ATP2C2: variants seen among roughly 807,000 people sequenced by gnomAD.
ATP2C2 encodes the protein ATPase secretory pathway Ca2+ transporting 2.
ATP2C2 carries 171 observed loss-of-function variants against 110.8 expected under a neutral mutation model. The ratio of observed to expected loss-of-function variants is 1.54; its 90% CI spans 1.36 to 1.75. ATP2C2 has a LOEUF of 1.75. ATP2C2 is among the 40% of genes most tolerant of loss of function. ATP2C2 has a pLI of 0.00. For missense variants in ATP2C2, 1,963 were observed against 1,235.0 expected (o/e 1.59, Z -8.84); for synonymous variants, 804 against 508.4 (o/e 1.58, Z -7.82).
chr16:84,380,947 G>A lies in ATP2C2; in HGVS notation c.99+12233G>A, dbSNP rs574105870. Among the ~76,000 whole-genome samples the A allele has an allele frequency of 3.5e-4, 54 of 152,282 alleles. 1 individual carries two copies. The South Asian group carries it at 9.3e-3, about 26-fold the overall frequency. ...TGTAATCCCAGCACTTTGAGAGGCC[G>A]AGGCGGGCGGATCATGAGGTCAGGA... On this transcript the variant is annotated intron_variant, in intron 1 of 26. Transcript: ENST00000262429.
chr16:84,427,603 G>A (rs922292382), intron 11 of ATP2C2, among the ~76,000 whole-genome samples: 11 of 152,236 alleles, frequency 7.2e-5, no homozygotes, highest in African/African-American at 2.6e-4. Context: ...TAAAATCCCA[G>A]CTACTCGGGA....
chr16:84,448,830 T>G (rs1910000040), intron 17 of ATP2C2, 141 bp downstream of exon 17: 3 of 1,136,982 alleles, frequency 2.6e-6, no homozygotes, highest in Non-Finnish European at 3.7e-6. Context: ...AATGTGTGCT[T>G]GGAACCTGAT....
chr16:84,412,968 G>C (rs1477168125), intron 6 of ATP2C2, among the ~76,000 whole-genome samples: 1 of 151,972 alleles, frequency 6.6e-6, no homozygotes, highest in Non-Finnish European at 1.5e-5. Context: ...GCATGGTGGT[G>C]GGTGTCTGTA....
At chr16:84,438,331 C>CA (rs1908927929) in intron 11 of ATP2C2, among the ~76,000 whole-genome samples, 1 of 152,192 alleles carries the variant, frequency 6.6e-6, no homozygotes, top group Admixed American at 6.5e-5. Flanking sequence ...CACCAGGCAC[C>CA]AGGCATCATA....
At chr16:84,462,414 G>A in intron 26 of ATP2C2, 3 of 346,448 alleles carry the variant, frequency 8.7e-6, no homozygotes, top group Non-Finnish European at 1.6e-5. Context: ...GAGGCTCAGA[G>A]CACGTGCAGG....
chr16:84,372,704 G>A (rs915839212), intron 1 of ATP2C2, among the ~76,000 whole-genome samples: 23 of 152,150 alleles, frequency 1.5e-4, no homozygotes, highest in East Asian at 3.9e-4. Context: ...GATTACAGGC[G>A]TGAGCCACCG....
intron 11 of ATP2C2, chr16:84,426,046 A>T: frequency 2.5e-6 from 1 of 393,772 alleles, no homozygotes; most frequent in Non-Finnish European, 4.5e-6. Context: ...CTGTTCTTGC[A>T]TTGCTAAAAA....
intron 1 of ATP2C2, among the ~76,000 whole-genome samples, chr16:84,376,261 G>A (rs914256140): frequency 4.6e-5 from 7 of 152,250 alleles, no homozygotes; most frequent in African/African-American, 1.7e-4. Context: ...AGGCAGGTGA[G>A]GCGATGAGGT....
chr16:84,384,015 C>T (rs1210583334), intron 1 of ATP2C2, among the ~76,000 whole-genome samples: 2 of 151,960 alleles, frequency 1.3e-5, no homozygotes, highest in Non-Finnish European at 2.9e-5. Context: ...TCTCAAACTC[C>T]TGAGCTCAAG....
intron 16 of ATP2C2, 33 bp from the exon 17 acceptor site, chr16:84,448,500 G>A: frequency 6.3e-7 from 1 of 1,589,446 alleles, no homozygotes; most frequent in Non-Finnish European, 8.6e-7. Context: ...GGCTTCCAGT[G>A]ATAGTGGATT....
intron 6 of ATP2C2, among the ~76,000 whole-genome samples, chr16:84,412,360 GTGCA>G (rs1461636017): frequency 1.4e-5 from 2 of 139,422 alleles, no homozygotes; most frequent in African/African-American, 2.7e-5. Flanking sequence ...GCGTGCGTGT[GTGCA>G]TGTGTGTGTG....
intron 23 of ATP2C2, 134 bp downstream of exon 23, chr16:84,459,520 C>G (rs528413183): frequency 6.4e-7 from 1 of 1,558,948 alleles, no homozygotes. Context: ...TCCCAGAAAA[C>G]TGAAGTGTGT....
chr16:84,448,665 A>G lies in ATP2C2; in HGVS notation c.1636A>G (p.Arg546Gly). ...GTCATTCTGCCTGCAGGAAGAGAAG[A>G]GGATGGGGTCGCTCGGTTTGCGGGG... ...QRSFCLQEEK[R>G]MGSLGLRVLA... Residue 546 changes from arginine to glycine, a missense_variant, in exon 17 of 27, where the codon AGG (arginine) becomes GGG (glycine). Physicochemically the swap from Arg to Gly is moderately radical, Grantham distance 125. Coordinates refer to ENST00000262429, the MANE Select transcript of ATP2C2 (RefSeq NM_014861.4). 1.9e-6 allele frequency: 3 copies of G among 1,613,620 alleles called. No individual in the cohort carries two copies. In the South Asian group the frequency reaches 3.3e-5, roughly 18 times the overall value.
At chr16:84,463,462 G>A in intron 26 of ATP2C2, 152 bp from the exon 27 acceptor site, 1 of 665,460 alleles carries the variant, frequency 1.5e-6, no homozygotes, top group South Asian at 1.8e-5. Context: ...TTGGATTCTG[G>A]GTTAGGAAGA....
chr16:84,430,006 T>G (rs1034797367), intron 11 of ATP2C2, among the ~76,000 whole-genome samples: 5 of 152,172 alleles, frequency 3.3e-5, no homozygotes, highest in African/African-American at 1.2e-4. Flanking sequence ...GGTCTCCTCC[T>G]CTGTCTCTGC....
intron 1 of ATP2C2, among the ~76,000 whole-genome samples, chr16:84,394,575 A>G (rs1348767183): frequency 6.6e-6 from 1 of 152,020 alleles, no homozygotes; most frequent in Non-Finnish European, 1.5e-5. Flanking sequence ...ATTTAAATGT[A>G]TTGTCTCACA....
chr16:84,460,801 G>A lies in ATP2C2; in HGVS notation c.2481G>A (p.Glu827=). ...ISGTLFIFWK[E]MPEDRASTPR... ...GGACCCTCTTTATCTTCTGGAAGGA[G>A]GTGAGCGAGGGTCACCCCGGCCTGT... Residue 827 remains glutamate, a splice_region_variant and synonymous_variant, in exon 24 of 27, where the codon GAG becomes GAA. Coordinates refer to ENST00000262429, the MANE Select transcript of ATP2C2 (RefSeq NM_014861.4). 6.2e-7 allele frequency: 1 copy of A among 1,610,262 alleles called. No individual in the cohort carries two copies. The highest frequency in any genetic ancestry group is 8.5e-7 in the Non-Finnish European group (1 of 1,177,282).
rs1473924640 is a variant in ATP2C2 at position 84,422,489 on chromosome 16, C to T, written c.724C>T (p.Leu242Phe). ...GACAGGCGGTGGGGACCTCACCACC[C>T]TCAGCAACATCGTCTTCATGGGGAC... is the stretch of plus-strand genomic sequence containing the variant. The part of the protein sequence containing the change: ...PLTGGGDLTT[L>F]SNIVFMGTLV... The change falls in exon 8 of 27, where the codon CTC (leucine) becomes TTC (phenylalanine). Residue 242 changes from leucine to phenylalanine, a missense_variant. By Grantham distance (22) the Leu-to-Phe change is conservative. Transcript: ENST00000262429. 25 of 1,613,966 alleles carry T rather than the reference C, an allele frequency of 1.5e-5. No individual in the cohort carries two copies. In the East Asian group the frequency reaches 2.0e-4, roughly 13 times the overall value.
chr16:84,448,376 C>G (rs759226513), intron 16 of ATP2C2, among the ~76,000 whole-genome samples, 157 bp from the exon 17 acceptor site: 1 of 152,188 alleles, frequency 6.6e-6, no homozygotes, highest in Admixed American at 6.5e-5. Context: ...ACTTCGCGAA[C>G]CTGTCCAGCA....
Sources: gnomAD v4.1 joint callset for allele counts (sites outside exome capture counted in the v4.1 genomes callset) on GRCh38, gnomAD v4.1.1 for gene constraint, MANE v1.5 for transcripts, NCBI Gene and HGNC (gene_info 2026-07-23, HGNC 2026-07-21) for gene names.